The following ADAMTS16 variants were observed in gnomAD, a reference collection of about 807,000 sequenced individuals.
ADAMTS16 encodes the protein A disintegrin and metalloproteinase with thrombospondin motifs 16.
A neutral mutation model predicts 145.8 loss-of-function variants in ADAMTS16; 94 were observed. That is an observed-to-expected ratio of 0.64 (90% CI 0.55 to 0.77). The LOEUF is 0.77. ADAMTS16 is among the 30% of genes least tolerant of loss of function. ADAMTS16 has a pLI of 0.00. For missense variants in ADAMTS16, 1,585 were observed against 1,591.5 expected, an observed-to-expected ratio of 1.00 and a Z score of 0.07; for synonymous variants, 659 against 604.3, an observed-to-expected ratio of 1.09 and a Z score of -1.33.
At chr5:5,314,184 C>T (rs981093699) in intron 21 of ADAMTS16, among the ~76,000 whole-genome samples, 3 of 152,132 alleles carry the variant, frequency 2.0e-5, no homozygotes, top group Non-Finnish European at 4.4e-5. Context: ...AAGCTCTAAG[C>T]TGGGAGAGAG....
chr5:5,234,984 A>C, intron 12 of ADAMTS16, 30 bp from the exon 13 acceptor site: 1 of 1,504,646 alleles, frequency 6.6e-7, no homozygotes, highest in African/African-American at 1.4e-5. Flanking sequence ...CTAAAATATA[A>C]AAATTCTAAC....
chr5:5,247,567 G>A (rs1737487114), intron 17 of ADAMTS16, among the ~76,000 whole-genome samples: 1 of 152,018 alleles, frequency 6.6e-6, no homozygotes, highest in Admixed American at 6.5e-5. Context: ...CAGAGTCTGT[G>A]CAGTTCCAGC....
chr5:5,149,147 C>G (rs376061501), intron 3 of ADAMTS16, among the ~76,000 whole-genome samples: 16 of 152,316 alleles, frequency 1.1e-4, no homozygotes, highest in African/African-American at 3.8e-4. Context: ...TCAATGGGAT[C>G]TGTAAACCCT....
intron 18 of ADAMTS16, among the ~76,000 whole-genome samples, chr5:5,290,623 C>T (rs1269786257): frequency 6.6e-6 from 1 of 152,130 alleles, no homozygotes; most frequent in Admixed American, 6.5e-5. Context: ...GTACTCCAGC[C>T]TAGGCAACGA....
Position 5,140,332 on chromosome 5 carries a change from T to G in ADAMTS16, c.-136T>G. On this transcript the variant is annotated 5_prime_UTR_variant, in exon 1 of 23. Coordinates refer to ENST00000274181, the MANE Select transcript of ADAMTS16 (RefSeq NM_139056.4). Reference sequence around the variant, plus strand: ...CCCCCCGCGCCGCACGGAGCTTCAGTAATAACCCCGGCGCGGCGGCGGAGT... The same window carrying G: ...CCCCCCGCGCCGCACGGAGCTTCAGGAATAACCCCGGCGCGGCGGCGGAGT... 7 of 886,012 alleles carry G rather than the reference T, an allele frequency of 7.9e-6. No individual in the cohort carries two copies. The highest frequency in any genetic ancestry group is 2.1e-5 in the South Asian group (1 of 46,604). 54.9% of individuals were successfully genotyped at this position (886,012 alleles called of 1,614,324 possible). A position where few individuals can be genotyped will look rare whatever the true frequency, so the allele number is the denominator to read the frequency against.
At chr5:5,182,945 T>C (rs78275161) in intron 4 of ADAMTS16, among the ~76,000 whole-genome samples, 3,748 of 152,292 alleles carry the variant, frequency 0.025, 168 homozygotes, top group African/African-American at 0.086. Context: ...CAGGAGTCTC[T>C]GGACTGCCCC....
intron 20 of ADAMTS16, 51 bp from the exon 21 acceptor site, chr5:5,306,453 T>G: frequency 6.5e-7 from 1 of 1,533,708 alleles, no homozygotes; most frequent in Non-Finnish European, 8.9e-7. Flanking sequence ...CCACAGATTT[T>G]GCAAAAAAAG....
intron 3 of ADAMTS16, among the ~76,000 whole-genome samples, chr5:5,161,695 T>C (rs1734746781): frequency 2.0e-5 from 3 of 152,200 alleles, no homozygotes; most frequent in Admixed American, 6.5e-5. Context: ...TCTCTTCACA[T>C]TAATACCATT....
At chr5:5,239,319 G>A in intron 15 of ADAMTS16, 45 bp downstream of exon 15, 1 of 1,506,732 alleles carries the variant, frequency 6.6e-7, no homozygotes, top group Non-Finnish European at 8.8e-7. Flanking sequence ...AAAGAAGATT[G>A]TAACTGGGGC....
intron 21 of ADAMTS16, among the ~76,000 whole-genome samples, chr5:5,313,509 C>T (rs939835676): frequency 1.2e-4 from 18 of 152,206 alleles, no homozygotes; most frequent in Admixed American, 9.2e-4. Flanking sequence ...GGCTTGCATG[C>T]GATCACCTGT....
intron 3 of ADAMTS16, among the ~76,000 whole-genome samples, chr5:5,163,947 T>C (rs1231114682): frequency 1.8e-4 from 27 of 152,326 alleles, no homozygotes; most frequent in Non-Finnish European, 5.9e-5. Context: ...ACTAGCCCTT[T>C]GTGATCCATG....
intron 18 of ADAMTS16, among the ~76,000 whole-genome samples, chr5:5,281,443 C>T (rs1198843589): frequency 1.3e-5 from 2 of 152,120 alleles, no homozygotes; most frequent in Non-Finnish European, 2.9e-5. Context: ...GTAAATATTT[C>T]ATAATATTAG....
intron 10 of ADAMTS16, among the ~76,000 whole-genome samples, chr5:5,219,877 T>C (rs1254329126): frequency 6.6e-6 from 1 of 152,230 alleles, no homozygotes; most frequent in Non-Finnish European, 1.5e-5. Flanking sequence ...CAGTATTTAT[T>C]CTGCAAAATG....
Position 5,182,246 on chromosome 5 carries a change from G to A in ADAMTS16, c.704G>A (p.Ser235Asn). Residue 235 changes from serine to asparagine, a missense_variant, in exon 4 of 23, where the codon AGC (serine) becomes AAC (asparagine). By Grantham distance (46) the Ser-to-Asn change is conservative (BLOSUM62 1). Transcript: ENST00000274181. ...GAGCTGGCACATCAACCCCTGCACAGCAGCGACCTTCGCCTGGGACTGCCA... is the reference window on the plus strand; with the variant it reads ...GAGCTGGCACATCAACCCCTGCACAACAGCGACCTTCGCCTGGGACTGCCA... ...TWELAHQPLHSSDLRLGLPQK... is the reference protein window; with the variant it reads ...TWELAHQPLHNSDLRLGLPQK... 1.2e-6 allele frequency: 2 copies of A among 1,614,088 alleles called. No homozygotes were observed. Among genetic ancestry groups the A allele is most frequent in the Non-Finnish European group, 1.7e-6 (2 of 1,179,952 alleles).
At chr5:5,253,758 T>G (rs1271088751) in intron 17 of ADAMTS16, among the ~76,000 whole-genome samples, 1 of 152,128 alleles carries the variant, frequency 6.6e-6, no homozygotes, top group African/African-American at 2.4e-5. Context: ...ATCCACAGGC[T>G]CTTTCTCAGC....
chr5:5,244,516 C>A (rs1438474244), intron 17 of ADAMTS16, among the ~76,000 whole-genome samples: 1 of 152,122 alleles, frequency 6.6e-6, no homozygotes. Flanking sequence ...TTTGAACAAG[C>A]CTTTCATGTC....
chr5:5,208,414 G>C (rs191323673), intron 9 of ADAMTS16, among the ~76,000 whole-genome samples: 1 of 152,304 alleles, frequency 6.6e-6, no homozygotes, highest in East Asian at 1.9e-4. Flanking sequence ...TTTCCCAAAT[G>C]CATAAATTAT....
In ADAMTS16 at chr5:5,140,979, T is replaced by C. The variant is rs1243042682; in HGVS notation, c.175+213T>C. On this transcript the variant is annotated intron_variant, in intron 2 of 22. Transcript: ENST00000274181. ...ACATTTTATTCCCTGGCAAAACGGT[T>C]TGCCAGAGTTATTGATATAACATTA... 3.9e-5 allele frequency among the ~76,000 whole-genome samples: 6 copies of C among 152,328 alleles called. No homozygotes were observed. In the South Asian group the frequency reaches 1.2e-3, roughly 32 times the overall value.
At chr5:5,178,908 G>T (rs1321432022) in intron 3 of ADAMTS16, among the ~76,000 whole-genome samples, 1 of 151,936 alleles carries the variant, frequency 6.6e-6, no homozygotes, top group East Asian at 1.9e-4. Flanking sequence ...GGATGATTGT[G>T]GTGCTGGGTG....
Sources: allele counts gnomAD v4.1 joint callset (sites outside exome capture counted in the v4.1 genomes callset), GRCh38; gene constraint gnomAD v4.1.1; transcripts MANE v1.5; gene names NCBI Gene and HGNC (gene_info 2026-07-23, HGNC 2026-07-21).